The following CARM1 variants were observed in gnomAD, a reference collection of about 807,000 sequenced individuals.
The protein encoded by CARM1 is coactivator associated arginine methyltransferase 1.
Under a neutral mutation model 72.7 loss-of-function variants are expected in CARM1, and 14 were observed. The ratio of observed to expected loss-of-function variants is 0.19; its 90% CI spans 0.13 to 0.30. CARM1 has a LOEUF of 0.30. CARM1 is among the 10% of genes least tolerant of loss of function. CARM1 has a pLI of 1.00. For synonymous variants in CARM1, 333 were observed against 345.5 expected (o/e 0.96, Z 0.40); for missense variants, 432 against 833.7 (o/e 0.52, Z 5.93).
rs1383989843 is a variant in CARM1, at chr19:10,916,023, T to C, written c.848-384T>C. 1.3e-5 allele frequency among the ~76,000 whole-genome samples: 2 copies of C among 152,194 alleles called. No individual in the cohort carries two copies. Among genetic ancestry groups the C allele is most frequent in the Non-Finnish European group, 2.9e-5 (2 of 68,012 alleles). On this transcript the variant is annotated intron_variant, in intron 6 of 15. Transcript: ENST00000327064. This position sits in a 1 kb window ranked among gnomAD's most constrained non-coding sequence, Gnocchi z 4.4. ...ACCCTCCCTCTGTCCAGAGCAACTTTGCTATGCTTTCCCGGCTGCACACAT... is the reference window on the plus strand; with the variant it reads ...ACCCTCCCTCTGTCCAGAGCAACTTCGCTATGCTTTCCCGGCTGCACACAT...
intron 3 of CARM1, 52 bp downstream of exon 3, chr19:10,908,197 C>A: frequency 8.1e-7 from 1 of 1,227,120 alleles, no homozygotes; most frequent in Non-Finnish European, 1.2e-6. Context: ...AGCCCCCCTG[C>A]CACTCACCCG....
At chr19:10,907,291 C>T (rs1434858286) in intron 2 of CARM1, among the ~76,000 whole-genome samples, 2 of 152,190 alleles carry the variant, frequency 1.3e-5, no homozygotes, top group Non-Finnish European at 2.9e-5. Flanking sequence ...CCGCCTCAGC[C>T]TCCCAATGTG....
rs753354844 is a variant in CARM1, at chr19:10,921,061, G to C, written c.1549G>C (p.Ala517Pro). ...SGMAVAGMPT[A>P]YDLSSVIASG... ...CTCTCTGGACACAGGGATGCCGACC[G>C]CCTATGACTTGAGCAGTGTTATTGC... The change falls in exon 14 of 16, where the codon GCC becomes CCC. Residue 517 changes from alanine to proline, a missense_variant. Physicochemically the swap from Ala to Pro is conservative, Grantham distance 27. Around this residue, in one of 3 missense-constraint regions of CARM1, gnomAD observed 142 missense variants for 188.7 expected, o/e 0.75. Transcript: ENST00000327064. 1 of 1,614,144 alleles carries C rather than the reference G, an allele frequency of 6.2e-7. No homozygotes were observed. The highest frequency in any genetic ancestry group is 1.1e-5 in the South Asian group (1 of 91,086).
At chr19:10,877,488 T>A (rs564641923) in intron 1 of CARM1, among the ~76,000 whole-genome samples, 1 of 152,068 alleles carries the variant, frequency 6.6e-6, no homozygotes, top group East Asian at 1.9e-4. Context: ...AATGGCATGG[T>A]CTTGGCTCAC....
rs994953522 is a variant in CARM1 at position 10,909,319 on chromosome 19, T to A, written c.558+112T>A. 12 of 651,618 alleles carry A rather than the reference T, an allele frequency of 1.8e-5. No individual in the cohort carries two copies. In the African/African-American group the frequency reaches 2.2e-4, roughly 12 times the overall value. The allele number at this position is 651,618 out of a possible 1,614,324, so 40.4% of individuals were successfully genotyped here. On this transcript the variant is annotated intron_variant, in intron 4 of 15. Coordinates refer to ENST00000327064, the MANE Select transcript of CARM1 (RefSeq NM_199141.2). ...AGATTAGAAATGCATTTATCTCAGT[T>A]ACTGCAGAGGCTGAGGCAGGAGGAT...
intron 8 of CARM1, chr19:10,919,319 A>G (rs1599711406): frequency 2.4e-6 from 1 of 412,156 alleles, no homozygotes; most frequent in East Asian, 4.1e-5. Context: ...CTAATTATAC[A>G]TGTAAGTTTG....
intron 1 of CARM1, among the ~76,000 whole-genome samples, chr19:10,893,737 C>G (rs1743644473): frequency 6.6e-6 from 1 of 152,206 alleles, no homozygotes; most frequent in African/African-American, 2.4e-5. Flanking sequence ...CATGTGGGCT[C>G]TGACCTAGTG....
At chr19:10,894,421 C>G (rs2074009545) in intron 1 of CARM1, among the ~76,000 whole-genome samples, 1 of 151,986 alleles carries the variant, frequency 6.6e-6, no homozygotes, top group Non-Finnish European at 1.5e-5. Flanking sequence ...GTCGGGGTGT[C>G]TCCCTCTTTT....
Position 10,921,749 on chromosome 19 carries a change from G to C in CARM1, c.1819G>C (p.Gly607Arg). ...CATCCCGACCAACACCATGCACTACGGGAGCTAGGGGCCCGCCCCGCGGAC... is the reference window on the plus strand; with the variant it reads ...CATCCCGACCAACACCATGCACTACCGGAGCTAGGGGCCCGCCCCGCGGAC... The part of the protein sequence containing the change: ...MSIPTNTMHY[G>R]S Residue 607 changes from glycine to arginine, a missense_variant, in exon 16 of 16, where the codon GGG (glycine) becomes CGG (arginine). This residue lies in a region of CARM1 where 142 missense variants were observed against 188.7 expected (regional missense o/e 0.75). Coordinates refer to ENST00000327064, the MANE Select transcript of CARM1 (RefSeq NM_199141.2). 1 of 1,596,668 alleles carries C rather than the reference G, an allele frequency of 6.3e-7. No homozygotes were observed. The highest frequency in any genetic ancestry group is 1.1e-5 in the South Asian group (1 of 89,916).
At position 10,881,829 on chromosome 19, in the gene CARM1, C is replaced by T. The variant is rs558851865; in HGVS notation, c.220+9907C>T. On this transcript the variant is annotated intron_variant, in intron 1 of 15. Transcript: ENST00000327064. Reference sequence around the variant, plus strand: ...AAATGGTCAGCAGAAATTCACCAAGCGTCTGCTGTGCACCAGTTACTGTTT... The same window carrying T: ...AAATGGTCAGCAGAAATTCACCAAGTGTCTGCTGTGCACCAGTTACTGTTT... 2.1e-4 allele frequency among the ~76,000 whole-genome samples: 32 copies of T among 152,252 alleles called. 1 individual carries two copies. Among genetic ancestry groups the T allele is most frequent in the African/African-American group, 5.1e-4 (21 of 41,556 alleles).
chr19:10,875,078 A>G (rs982952156), intron 1 of CARM1, among the ~76,000 whole-genome samples: 3 of 151,934 alleles, frequency 2.0e-5, no homozygotes, highest in Non-Finnish European at 4.4e-5. Flanking sequence ...TGCTGGGTGT[A>G]TTAATTTCCC....
chr19:10,904,686 C>T (rs2074089940), intron 1 of CARM1, among the ~76,000 whole-genome samples: 1 of 152,232 alleles, frequency 6.6e-6, no homozygotes, highest in Admixed American at 6.5e-5. Flanking sequence ...CCTGTCTGCC[C>T]ACCTCAGCCT....
chr19:10,879,596 C>T (rs1240104533), intron 1 of CARM1, among the ~76,000 whole-genome samples: 1 of 152,052 alleles, frequency 6.6e-6, no homozygotes, highest in African/African-American at 2.4e-5. Context: ...GGAAACAGGG[C>T]TGGGTTGGAA....
chr19:10,922,107 C>G lies in CARM1; in HGVS notation c.*350C>G, dbSNP rs2074263075. 2 of 193,988 alleles carry G rather than the reference C, an allele frequency of 1.0e-5. No homozygotes were observed. Among genetic ancestry groups the G allele is most frequent in the South Asian group, 1.8e-4 (1 of 5,700 alleles). The allele number at this position is 193,988 out of a possible 1,614,324, so 12.0% of individuals were successfully genotyped here. A position where few individuals can be genotyped will look rare whatever the true frequency, so the allele number is the denominator to read the frequency against. The stretch of plus-strand genomic sequence containing the variant: ...GCCAGGTCCCTTAGCACCTGTCCCC[C>G]TGCCTGTCTCCAGTGGGAAGGTAGC... On this transcript the variant is annotated 3_prime_UTR_variant, in exon 16 of 16. Coordinates refer to ENST00000327064, the MANE Select transcript of CARM1 (RefSeq NM_199141.2).
At position 10,894,907 on chromosome 19, in the gene CARM1, A is replaced by AT. The variant is rs569415533; in HGVS notation, c.221-10037dup. Among the ~76,000 whole-genome samples, 371 of 151,666 alleles carry AT rather than the reference A, an allele frequency of 2.4e-3. 3 individuals are homozygous for AT. The highest frequency in any genetic ancestry group is 8.4e-3 in the African/African-American group (347 of 41,306). The stretch of plus-strand genomic sequence containing the variant: ...AGGTGCGCATCACCATGCCCAGCTA[A>AT]TTTTTTTATTATTATTTGTAGAAGA... On this transcript the variant is annotated intron_variant, in intron 1 of 15. Coordinates refer to ENST00000327064, the MANE Select transcript of CARM1 (RefSeq NM_199141.2).
At chr19:10,889,311 G>A (rs2073964265) in intron 1 of CARM1, among the ~76,000 whole-genome samples, 1 of 151,000 alleles carries the variant, frequency 6.6e-6, no homozygotes, top group Non-Finnish European at 1.5e-5. Context: ...TGCGCAATTT[G>A]AGAATTTTTT....
chr19:10,887,118 TTG>T (rs2073947903), intron 1 of CARM1, among the ~76,000 whole-genome samples: 2 of 152,336 alleles, frequency 1.3e-5, no homozygotes, highest in South Asian at 4.1e-4. Context: ...GAACCCAGGT[TTG>T]GCCCTGATCC....
At chr19:10,913,755 A>C (rs1420868159) in intron 5 of CARM1, 122 bp from the exon 6 acceptor site, 69 of 1,020,866 alleles carry the variant, frequency 6.8e-5, no homozygotes, top group Non-Finnish European at 5.8e-5. Flanking sequence ...GGCGCCAGCG[A>C]AGCAGGCAGA....
At chr19:10,901,915 C>G (rs769825432) in intron 1 of CARM1, among the ~76,000 whole-genome samples, 15 of 151,824 alleles carry the variant, frequency 9.9e-5, no homozygotes, top group Non-Finnish European at 1.9e-4. Context: ...TGCTGCTGCA[C>G]TCCAGCCTGG....
Sources: allele counts gnomAD v4.1 joint callset (sites outside exome capture counted in the v4.1 genomes callset), GRCh38; gene constraint gnomAD v4.1.1; regional missense constraint gnomAD v4.1.1; non-coding constraint Gnocchi (gnomAD v3.1); transcripts MANE v1.5; gene names NCBI Gene and HGNC (gene_info 2026-07-23, HGNC 2026-07-21).